The following NAA11 variants were observed in gnomAD, a reference collection of about 807,000 sequenced individuals.
The protein encoded by NAA11 is N-alpha-acetyltransferase 11.
Under a neutral mutation model 16.1 loss-of-function variants are expected in NAA11, and 15 were observed. The ratio of observed to expected loss-of-function variants is 0.93; its 90% CI spans 0.62 to 1.44. The LOEUF (loss-of-function observed/expected upper bound fraction) is 1.44. NAA11 is among the 40% of genes most tolerant of loss of function. The pLI, the probability that NAA11 is intolerant of heterozygous loss-of-function variation, is 0.00. For synonymous variants in NAA11, 122 were observed against 112.4 expected, an observed-to-expected ratio of 1.09 and a Z score of -0.54; for missense variants, 298 against 291.3, an observed-to-expected ratio of 1.02 and a Z score of -0.17.
the NAA11 span, among the ~76,000 whole-genome samples, chr4:79,170,361 G>A: frequency 1.3e-5 from 2 of 152,138 alleles, no homozygotes; most frequent in Admixed American, 6.6e-5. Flanking sequence ...TACATTGTAT[G>A]CCTGTAGACA....
At chr4:79,217,806 T>C in the NAA11 span, among the ~76,000 whole-genome samples, 5 of 152,012 alleles carry the variant, frequency 3.3e-5, no homozygotes, top group African/African-American at 4.8e-5. Flanking sequence ...GATATTATAA[T>C]TACCATAATA....
At chr4:79,207,546 C>T in the NAA11 span, among the ~76,000 whole-genome samples, 1 of 152,046 alleles carries the variant, frequency 6.6e-6, no homozygotes, top group Non-Finnish European at 1.5e-5. Flanking sequence ...GAAACCAAGC[C>T]TGCTGGCATG....
At chr4:79,279,487 C>T (rs1000047267) in intron 2 of NAA11, among the ~76,000 whole-genome samples, 1 of 151,990 alleles carries the variant, frequency 6.6e-6, no homozygotes, top group South Asian at 2.1e-4. Context: ...TCTTGAGGAG[C>T]TTATATTCTA....
At chr4:79,258,060 C>T (rs571840679) in intron 2 of NAA11, among the ~76,000 whole-genome samples, 1 of 152,374 alleles carries the variant, frequency 6.6e-6, no homozygotes, top group South Asian at 2.1e-4. Context: ...GTGGCCAGGG[C>T]TGCACATGCC....
rs184628639 is a variant in NAA11, at chr4:79,292,020, A to G, written c.*122+1985T>C. ...TCTATACCACTATTTGGAGAGAGAG[A>G]TGGCTACTTAACAGCTGGAACTGTG... On this transcript the variant is annotated intron_variant and NMD_transcript_variant, in intron 2 of 2. Coordinates refer to the NAA11 transcript ENST00000511542. 2.4e-3 allele frequency among the ~76,000 whole-genome samples: 365 copies of G among 152,294 alleles called. 2 individuals are homozygous for G. Among genetic ancestry groups the G allele is most frequent in the Non-Finnish European group, 4.3e-3 (292 of 68,022 alleles).
intron 2 of NAA11, among the ~76,000 whole-genome samples, chr4:79,287,351 A>C (rs1187511360): frequency 6.6e-6 from 1 of 152,124 alleles, no homozygotes; most frequent in African/African-American, 2.4e-5. Context: ...GGAAATAGGA[A>C]ATCATAACAT....
At chr4:79,198,231 A>T in the NAA11 span, among the ~76,000 whole-genome samples, 1 of 151,906 alleles carries the variant, frequency 6.6e-6, no homozygotes, top group African/African-American at 2.4e-5. Flanking sequence ...CTCATGGTCC[A>T]GGTAGATTCT....
chr4:79,293,073 A>G (rs1723124077), intron 2 of NAA11, among the ~76,000 whole-genome samples: 1 of 152,216 alleles, frequency 6.6e-6, no homozygotes, highest in Non-Finnish European at 1.5e-5. Flanking sequence ...GAATTTAAAT[A>G]TTAACACTCA....
At chr4:79,257,534 C>T (rs2109971891) in intron 2 of NAA11, among the ~76,000 whole-genome samples, 1 of 152,122 alleles carries the variant, frequency 6.6e-6, no homozygotes, top group Non-Finnish European at 1.5e-5. Context: ...TGCCTATATT[C>T]AAAATGTGCC....
intron 2 of NAA11, among the ~76,000 whole-genome samples, chr4:79,230,830 G>A (rs1247058015): frequency 6.6e-6 from 1 of 151,886 alleles, no homozygotes; most frequent in African/African-American, 2.4e-5. Flanking sequence ...ATTTGGAACT[G>A]GAAAATTATT....
chr4:79,215,025 T>C, the NAA11 span, among the ~76,000 whole-genome samples: 7 of 152,280 alleles, frequency 4.6e-5, no homozygotes, highest in African/African-American at 1.7e-4. Context: ...ACCAACAGAC[T>C]AAGAGAGTGT....
chr4:79,189,644 T>C, the NAA11 span, among the ~76,000 whole-genome samples: 5 of 152,172 alleles, frequency 3.3e-5, no homozygotes, highest in African/African-American at 1.2e-4. Flanking sequence ...CTGTATCCTC[T>C]TACTTGATTA....
At chr4:79,190,239 GA>G in the NAA11 span, among the ~76,000 whole-genome samples, 2 of 151,506 alleles carry the variant, frequency 1.3e-5, no homozygotes, top group Admixed American at 6.6e-5. Context: ...TTCGTTTGAA[GA>G]AAAAAAAGGT....
chr4:79,315,801 A>C (rs751291898), downstream of NAA11, among the ~76,000 whole-genome samples: 4 of 152,132 alleles, frequency 2.6e-5, no homozygotes, highest in Non-Finnish European at 4.4e-5. Flanking sequence ...AATCACCGCT[A>C]CTGTCCTGGA....
chr4:79,288,649 T>C (rs911871530), intron 2 of NAA11, among the ~76,000 whole-genome samples: 4 of 152,184 alleles, frequency 2.6e-5, no homozygotes, highest in African/African-American at 9.7e-5. Context: ...ATGCTTGGCT[T>C]TATAGATATC....
At chr4:79,192,934 A>T in the NAA11 span, among the ~76,000 whole-genome samples, 1 of 152,124 alleles carries the variant, frequency 6.6e-6, no homozygotes, top group Non-Finnish European at 1.5e-5. Context: ...CTGGTATGAG[A>T]TGATATCTCA....
chr4:79,316,976 G>C lies in NAA11; in HGVS notation c.*828C>G, dbSNP rs1045677590. On this transcript the variant is annotated 3_prime_UTR_variant, in exon 2 of 2. Coordinates refer to ENST00000286794, the MANE Select transcript of NAA11 (RefSeq NM_032693.3). ...TTCAGTTTCCTCATCTGTAAAACAG[G>C]GATAATACTACCTACTTTACAGGGT... 2.0e-5 allele frequency: 3 copies of C among 152,022 alleles called. No homozygotes were observed. Among genetic ancestry groups the C allele is most frequent in the Non-Finnish European group, 4.4e-5 (3 of 68,008 alleles). The allele number at this position is 152,022 out of a possible 1,614,324, so 9.4% of individuals were successfully genotyped here.
chr4:79,320,680 A>AT (rs1231216188), intron 1 of NAA11, among the ~76,000 whole-genome samples: 1 of 152,154 alleles, frequency 6.6e-6, no homozygotes, highest in East Asian at 1.9e-4. Context: ...TTTTATTACC[A>AT]TTTTTTAGAT....
the NAA11 span, among the ~76,000 whole-genome samples, chr4:79,168,151 G>A: frequency 6.6e-6 from 1 of 152,018 alleles, no homozygotes; most frequent in African/African-American, 2.4e-5. Context: ...TTAGTTTGCT[G>A]AGAATGACAG....
Sources: gnomAD v4.1 joint callset for allele counts (sites outside exome capture counted in the v4.1 genomes callset) on GRCh38, gnomAD v4.1.1 for gene constraint, MANE v1.5 for transcripts, NCBI Gene and HGNC (gene_info 2026-07-23, HGNC 2026-07-21) for gene names.